The following SPEF2 variants were observed in gnomAD, a reference collection of about 807,000 sequenced individuals.
The protein encoded by SPEF2 is sperm flagellar and cilia associated 2.
SPEF2 carries 187 observed loss-of-function variants against 224.6 expected under a neutral mutation model. That is an observed-to-expected ratio of 0.83 (90% CI 0.74 to 0.94). The LOEUF (loss-of-function observed/expected upper bound fraction) is 0.94, where lower values mean the gene tolerates loss of function less well. Ranked by LOEUF, SPEF2 falls within the 40% of genes least tolerant of loss-of-function variation. SPEF2 has a pLI of 0.00. For missense variants in SPEF2, 2,170 were observed against 2,135.6 expected (o/e 1.02, Z -0.32); for synonymous variants, 715 against 707.3 (o/e 1.01, Z -0.17).
rs781569204 is a variant in SPEF2, at chr5:35,773,947, T to C, written c.4004T>C (p.Ile1335Thr). ...ATPVIVTTEE[I>T]AEIKRKNELR... ...CCTGTCATAGTAACAACAGAGGAAATTGCTGAAATCAAAAGGAAAAATGAA... is the reference window on the plus strand; with the variant it reads ...CCTGTCATAGTAACAACAGAGGAAACTGCTGAAATCAAAAGGAAAAATGAA... Residue 1335 changes from isoleucine to threonine, a missense_variant, in exon 28 of 37, where the codon ATT (isoleucine) becomes ACT (threonine). By Grantham distance (89) the Ile-to-Thr change is moderately conservative. Transcript: ENST00000356031. 5 of 1,613,308 alleles carry C rather than the reference T, an allele frequency of 3.1e-6. No individual in the cohort carries two copies. In the South Asian group the frequency reaches 3.3e-5, roughly 11 times the overall value.
intron 20 of SPEF2, among the ~76,000 whole-genome samples, chr5:35,714,683 T>TATTC (rs1449430682): frequency 7.5e-6 from 1 of 133,588 alleles, no homozygotes; most frequent in Non-Finnish European, 1.6e-5. Flanking sequence ...GGTTTATTTT[T>TATTC]ATTTATTTAT....
At chr5:35,732,180 G>T (rs138258470) in intron 21 of SPEF2, among the ~76,000 whole-genome samples, 1 of 152,292 alleles carries the variant, frequency 6.6e-6, no homozygotes, top group Non-Finnish European at 1.5e-5. Flanking sequence ...GGATCAGGGA[G>T]TACCATAGAT....
chr5:35,668,893 A>C (rs1002594343), intron 9 of SPEF2, among the ~76,000 whole-genome samples: 1 of 152,114 alleles, frequency 6.6e-6, no homozygotes, highest in Admixed American at 6.6e-5. Flanking sequence ...GAGAATATTA[A>C]AAGGTTATTA....
intron 33 of SPEF2, among the ~76,000 whole-genome samples, chr5:35,798,198 G>T (rs1367288438): frequency 6.6e-6 from 1 of 152,102 alleles, no homozygotes; most frequent in Non-Finnish European, 1.5e-5. Context: ...TCAAATCACA[G>T]CATCCCCCGC....
At chr5:35,701,562 A>G (rs1738644686) in intron 16 of SPEF2, among the ~76,000 whole-genome samples, 1 of 152,188 alleles carries the variant, frequency 6.6e-6, no homozygotes, top group Non-Finnish European at 1.5e-5. Context: ...TAGAAGGCTG[A>G]ATATTGCCTC....
intron 10 of SPEF2, chr5:35,676,097 T>G: frequency 2.3e-6 from 1 of 443,450 alleles, no homozygotes; most frequent in Non-Finnish European, 4.6e-6. Flanking sequence ...GGCAGCCAGA[T>G]AGAAGTGGAA....
chr5:35,813,580 C>T (rs1486134336), intron 36 of SPEF2, among the ~76,000 whole-genome samples: 1 of 152,188 alleles, frequency 6.6e-6, no homozygotes, highest in African/African-American at 2.4e-5. Context: ...ACTTGGTTCA[C>T]TTAGCATTGA....
At chr5:35,788,898 C>T (rs1483246307) in intron 30 of SPEF2, 2 of 702,884 alleles carry the variant, frequency 2.8e-6, no homozygotes, top group East Asian at 2.7e-5. Context: ...GCTCTGAGAA[C>T]TGCTTTCAAA....
intron 20 of SPEF2, among the ~76,000 whole-genome samples, chr5:35,719,994 T>C (rs1743322890): frequency 3.3e-5 from 5 of 152,178 alleles, no homozygotes; most frequent in Admixed American, 3.3e-4. Context: ...TATGAGCCTT[T>C]TATTGGCTCT....
chr5:35,729,022 C>G (rs73086212), intron 21 of SPEF2, among the ~76,000 whole-genome samples: 2,695 of 152,134 alleles, frequency 0.018, 90 homozygotes, highest in African/African-American at 0.062. Context: ...AACTCCAAAA[C>G]TTGAAGCCCT....
intron 30 of SPEF2, chr5:35,790,570 T>C: frequency 5.3e-6 from 2 of 379,822 alleles, no homozygotes. Flanking sequence ...TATAGCTTTC[T>C]AACTTCACTT....
Position 35,705,635 on chromosome 5 carries a change from T to C in SPEF2, c.2508-16T>C, listed in dbSNP as rs765331359. ...TGATCAGTATGAGATATTCATATCATATTTTGATTTTGCAGAATTATAGGC... is the reference window on the plus strand; with the variant it reads ...TGATCAGTATGAGATATTCATATCACATTTTGATTTTGCAGAATTATAGGC... On this transcript the variant is annotated splice_polypyrimidine_tract_variant and intron_variant, in intron 17 of 36. Coordinates refer to ENST00000356031, the MANE Select transcript of SPEF2 (RefSeq NM_024867.4). 5.6e-5 allele frequency: 88 copies of C among 1,563,786 alleles called. No homozygotes were observed. The highest frequency in any genetic ancestry group is 7.5e-5 in the Non-Finnish European group (87 of 1,161,896).
intron 20 of SPEF2, among the ~76,000 whole-genome samples, chr5:35,717,860 G>T (rs1259725224): frequency 6.6e-6 from 1 of 152,216 alleles, no homozygotes; most frequent in African/African-American, 2.4e-5. Context: ...ACTGTTGTTA[G>T]ATTAAGGATA....
At chr5:35,685,333 A>G (rs1282943951) in intron 10 of SPEF2, among the ~76,000 whole-genome samples, 2 of 152,146 alleles carry the variant, frequency 1.3e-5, no homozygotes, top group African/African-American at 4.8e-5. Context: ...CATATCAGAA[A>G]TTCTGGCACC....
chr5:35,634,704 T>C (rs1302013227), intron 2 of SPEF2, among the ~76,000 whole-genome samples: 1 of 152,084 alleles, frequency 6.6e-6, no homozygotes, highest in Non-Finnish European at 1.5e-5. Context: ...CTTTTTATTA[T>C]AGAACAGTTT....
chr5:35,713,639 G>A (rs1470520590), intron 20 of SPEF2, among the ~76,000 whole-genome samples: 6 of 150,238 alleles, frequency 4.0e-5, no homozygotes, highest in African/African-American at 1.2e-4. Flanking sequence ...AGGAGGCTGA[G>A]GCAGGAGAAT....
chr5:35,788,547 T>C (rs557960275), intron 30 of SPEF2: 3 of 702,546 alleles, frequency 4.3e-6, no homozygotes, highest in East Asian at 2.7e-5. Flanking sequence ...TGTCAAATTG[T>C]TGGGGTACAG....
At chr5:35,693,165 T>A (rs79096006) in intron 12 of SPEF2, among the ~76,000 whole-genome samples, 1 of 152,168 alleles carries the variant, frequency 6.6e-6, no homozygotes, top group South Asian at 2.1e-4. Flanking sequence ...ACTCCTGGAC[T>A]GAGATCCTCC....
At chr5:35,761,690 A>T (rs367976588) in intron 25 of SPEF2, among the ~76,000 whole-genome samples, 11 of 139,014 alleles carry the variant, frequency 7.9e-5, no homozygotes, top group African/African-American at 3.6e-4. Context: ...AAAAACAATT[A>T]AAAAAAAATC....
Sources: gnomAD v4.1 joint callset for allele counts (sites outside exome capture counted in the v4.1 genomes callset) on GRCh38, gnomAD v4.1.1 for gene constraint, MANE v1.5 for transcripts, NCBI Gene and HGNC (gene_info 2026-07-23, HGNC 2026-07-21) for gene names.